SWT1: variants seen among roughly 807,000 people sequenced by gnomAD.
The protein encoded by SWT1 is transcriptional protein SWT1.
Under a neutral mutation model 107.3 loss-of-function variants are expected in SWT1, and 33 were observed. That is an observed-to-expected ratio of 0.31 (90% confidence interval 0.23 to 0.41). The LOEUF (loss-of-function observed/expected upper bound fraction) is 0.41, where lower values mean the gene tolerates loss of function less well. Ranked by LOEUF, SWT1 falls within the 10% of genes least tolerant of loss-of-function variation. The pLI is 1.00. For missense variants in SWT1, 898 were observed against 1,028.9 expected (o/e 0.87, Z 1.74); for synonymous variants, 345 against 348.3 (o/e 0.99, Z 0.11).
chr1:185,279,744 G>A (rs3766716), intron 18 of SWT1, among the ~76,000 whole-genome samples: 5,773 of 149,792 alleles, frequency 0.039, 268 homozygotes, highest in African/African-American at 0.095. Context: ...CTAGATATGG[G>A]GCCAATTGTG....
intron 18 of SWT1, among the ~76,000 whole-genome samples, chr1:185,285,097 A>G (rs1012528246): frequency 3.3e-5 from 5 of 151,978 alleles, no homozygotes; most frequent in Non-Finnish European, 5.9e-5. Context: ...GCTTTGACTA[A>G]GGTATTTCTG....
At chr1:185,190,724 C>A in intron 10 of SWT1, 82 bp downstream of exon 10, 1 of 807,076 alleles carries the variant, frequency 1.2e-6, no homozygotes, top group Non-Finnish European at 1.9e-6. Flanking sequence ...TCCAGCATAC[C>A]AAGGATCAAA....
chr1:185,276,606 A>T lies in SWT1; in HGVS notation c.2511A>T (p.Val837=). The stretch of plus-strand genomic sequence containing the variant: ...AACTATATCTTGGTTCCTTTCAGGT[A>T]AATAAAAATGTCAAATTTACTGCCC... ...TLYNFLIKYE[V]NKNVKFTAQE... is the part of the protein sequence containing the mutation. The change falls in exon 18 of 19, where the codon GTA becomes GTT. Residue 837 remains valine (V), a splice_region_variant and synonymous_variant. Transcript: ENST00000367500. 6.4e-7 allele frequency: 1 copy of T among 1,568,194 alleles called. No homozygotes were observed.
At chr1:185,217,105 A>C (rs191608285) in intron 14 of SWT1, among the ~76,000 whole-genome samples, 116 of 152,270 alleles carry the variant, frequency 7.6e-4, no homozygotes, top group Non-Finnish European at 1.5e-3. Context: ...TCCCCTCAAC[A>C]CTTGGCTTTA....
chr1:185,254,832 T>A (rs1247902020), intron 16 of SWT1, among the ~76,000 whole-genome samples: 2 of 151,614 alleles, frequency 1.3e-5, no homozygotes, highest in Admixed American at 1.3e-4. Flanking sequence ...CTTTTGAATG[T>A]GTTTGCTCTT....
chr1:185,197,030 C>T (rs570302732), intron 10 of SWT1, among the ~76,000 whole-genome samples: 9 of 152,130 alleles, frequency 5.9e-5, no homozygotes, highest in Admixed American at 3.3e-4. Context: ...TGTTTTGTGC[C>T]GGTTTTCAAA....
At chr1:185,259,850 T>G (rs1662896736) in intron 16 of SWT1, among the ~76,000 whole-genome samples, 1 of 152,174 alleles carries the variant, frequency 6.6e-6, no homozygotes, top group Non-Finnish European at 1.5e-5. Flanking sequence ...TGGACAGATT[T>G]CAAGATTATT....
intron 17 of SWT1, among the ~76,000 whole-genome samples, chr1:185,275,444 T>C (rs913617432): frequency 2.7e-5 from 4 of 148,612 alleles, no homozygotes. Context: ...TCAAATATTA[T>C]ATAATTAAAT....
intron 10 of SWT1, among the ~76,000 whole-genome samples, chr1:185,199,827 C>T (rs534764557): frequency 5.8e-4 from 88 of 152,218 alleles, no homozygotes; most frequent in Non-Finnish European, 7.6e-4. Context: ...TGGATAATAT[C>T]CTGAAGAGTG....
At chr1:185,248,604 G>A (rs1186360655) in intron 16 of SWT1, among the ~76,000 whole-genome samples, 8 of 151,994 alleles carry the variant, frequency 5.3e-5, no homozygotes, top group Non-Finnish European at 2.9e-5. Flanking sequence ...CATTGGTTCT[G>A]GGGTGATGGT....
At chr1:185,185,996 G>C (rs77731194) in intron 9 of SWT1, among the ~76,000 whole-genome samples, 5,413 of 152,158 alleles carry the variant, frequency 0.036, 312 homozygotes, top group African/African-American at 0.12. Flanking sequence ...ATTATAGTGA[G>C]AGGAACATAG....
In SWT1 at chr1:185,291,311, A is replaced by G. The variant is rs1343684093; in HGVS notation, c.*508A>G. 6.6e-6 allele frequency: 1 copy of G among 152,630 alleles called. No homozygotes were observed. Among genetic ancestry groups the G allele is most frequent in the East Asian group, 1.9e-4 (1 of 5,200 alleles). The allele number at this position is 152,630 out of a possible 1,614,324, so 9.5% of individuals were successfully genotyped here. ...CATCCATGTTGACCTGATGAAAATA[A>G]CACCCTCCTTCACCTCCCTCAGGGT... On this transcript the variant is annotated 3_prime_UTR_variant, in exon 19 of 19. Transcript: ENST00000367500.
chr1:185,255,024 C>G (rs998920917), intron 16 of SWT1, among the ~76,000 whole-genome samples: 64 of 151,876 alleles, frequency 4.2e-4, no homozygotes, highest in Non-Finnish European at 4.4e-4. Context: ...TTTCTGCCTT[C>G]ATTTCGTTAT....
At chr1:185,195,975 G>T (rs1657351366) in intron 10 of SWT1, among the ~76,000 whole-genome samples, 1 of 152,130 alleles carries the variant, frequency 6.6e-6, no homozygotes, top group African/African-American at 2.4e-5. Flanking sequence ...TTCTTTTGCT[G>T]TGCAGAAGCT....
intron 10 of SWT1, among the ~76,000 whole-genome samples, chr1:185,191,355 G>A (rs915417727): frequency 6.6e-6 from 1 of 152,070 alleles, no homozygotes; most frequent in African/African-American, 2.4e-5. Context: ...AAAAGGTTCT[G>A]AAGGGACAGA....
chr1:185,178,561 C>A (rs975570056), intron 5 of SWT1, among the ~76,000 whole-genome samples: 3 of 152,208 alleles, frequency 2.0e-5, no homozygotes, highest in African/African-American at 7.2e-5. Context: ...GTGGGGGAGG[C>A]AAACAGTTAA....
intron 10 of SWT1, among the ~76,000 whole-genome samples, chr1:185,191,869 A>AT (rs1656979906): frequency 6.6e-6 from 1 of 152,128 alleles, no homozygotes. Context: ...CAGATATACT[A>AT]TTTTTTAGCG....
At chr1:185,209,877 C>T (rs1300859417) in intron 13 of SWT1, among the ~76,000 whole-genome samples, 1 of 152,216 alleles carries the variant, frequency 6.6e-6, no homozygotes, top group Non-Finnish European at 1.5e-5. Flanking sequence ...CACATCCTCT[C>T]CAGCATCTGT....
chr1:185,169,691 G>C (rs1024210087), intron 4 of SWT1, among the ~76,000 whole-genome samples: 1 of 152,020 alleles, frequency 6.6e-6, no homozygotes, highest in African/African-American at 2.4e-5. Flanking sequence ...CCAGGAGTTT[G>C]AGACCAGCCT....
Sources: gnomAD v4.1 joint callset for allele counts (sites outside exome capture counted in the v4.1 genomes callset) on GRCh38, gnomAD v4.1.1 for gene constraint, MANE v1.5 for transcripts, NCBI Gene and HGNC (gene_info 2026-07-23, HGNC 2026-07-21) for gene names.